CDK14: variants seen among roughly 807,000 people sequenced by gnomAD.
The protein encoded by CDK14 is cyclin dependent kinase 14.
Under a neutral mutation model 60.7 loss-of-function variants are expected in CDK14, and 34 were observed. The ratio of observed to expected loss-of-function variants is 0.56; its 90% confidence interval spans 0.43 to 0.75. The LOEUF (loss-of-function observed/expected upper bound fraction) is 0.75, where lower values mean the gene tolerates loss of function less well. Among genes scored for constraint, CDK14 ranks in the 30% least tolerant of loss-of-function variants. The pLI is 0.00. For synonymous variants in CDK14, 197 were observed against 203.7 expected (o/e 0.97, Z 0.28); for missense variants, 482 against 564.1 (o/e 0.85, Z 1.47).
chr7:90,662,891 T>G (rs780221835), intron 2 of CDK14, among the ~76,000 whole-genome samples: 20 of 152,204 alleles, frequency 1.3e-4, no homozygotes, highest in Non-Finnish European at 2.6e-4. Flanking sequence ...CTCCACTTTC[T>G]AGCTATGCAA....
intron 12 of CDK14, among the ~76,000 whole-genome samples, chr7:91,103,881 G>A (rs1799214123): frequency 6.6e-6 from 1 of 151,328 alleles, no homozygotes; most frequent in Non-Finnish European, 1.5e-5. Flanking sequence ...TGTATTGCAT[G>A]GATAAGGACT....
intron 11 of CDK14, among the ~76,000 whole-genome samples, chr7:91,064,984 C>T (rs1302913011): frequency 6.6e-6 from 1 of 150,662 alleles, no homozygotes; most frequent in South Asian, 2.1e-4. Flanking sequence ...GATGGTTTGG[C>T]GACCTCATCT....
intron 2 of CDK14, among the ~76,000 whole-genome samples, chr7:90,682,700 C>T (rs183668434): frequency 1.3e-5 from 2 of 152,296 alleles, no homozygotes; most frequent in East Asian, 3.9e-4. Flanking sequence ...CAGTGCAGAA[C>T]CAAGTGTAGA....
chr7:90,736,329 G>A (rs898560021), intron 3 of CDK14, among the ~76,000 whole-genome samples: 1 of 139,618 alleles, frequency 7.2e-6, no homozygotes, highest in East Asian at 2.2e-4. Flanking sequence ...GTGATAAGAA[G>A]GGGTACTTTA....
chr7:91,029,836 T>A (rs1796708375), intron 10 of CDK14, among the ~76,000 whole-genome samples: 1 of 141,492 alleles, frequency 7.1e-6, no homozygotes, highest in Non-Finnish European at 1.6e-5. Context: ...GTTTTCAAGG[T>A]ACAAGACCAT....
chr7:91,039,861 G>A (rs1797040407), intron 10 of CDK14, among the ~76,000 whole-genome samples: 1 of 152,046 alleles, frequency 6.6e-6, no homozygotes, highest in Non-Finnish European at 1.5e-5. Flanking sequence ...GGAGACTGAG[G>A]CAGGTGGATC....
At chr7:90,720,872 CTGAGTTAT>C (rs1268672722) in intron 2 of CDK14, among the ~76,000 whole-genome samples, 1 of 152,074 alleles carries the variant, frequency 6.6e-6, no homozygotes, top group African/African-American at 2.4e-5. Flanking sequence ...GTTACAGGAT[CTGAGTTAT>C]TGACTGTTGG....
intron 2 of CDK14, among the ~76,000 whole-genome samples, chr7:90,645,005 T>G (rs1800429085): frequency 6.6e-6 from 1 of 152,222 alleles, no homozygotes. Context: ...AGTAGATGGC[T>G]CTATAAAAGT....
At chr7:90,758,195 A>G (rs370652886) in intron 4 of CDK14, among the ~76,000 whole-genome samples, 1 of 152,038 alleles carries the variant, frequency 6.6e-6, no homozygotes, top group Middle Eastern at 3.2e-3. Flanking sequence ...TTGAGTAGAA[A>G]GTTTTTGTTT....
chr7:90,757,791 C>T (rs763803216), intron 4 of CDK14, among the ~76,000 whole-genome samples: 4 of 151,804 alleles, frequency 2.6e-5, no homozygotes, highest in South Asian at 2.1e-4. Flanking sequence ...TTTGTAGAGA[C>T]GGGGTTTTGC....
In CDK14 at chr7:90,709,739, TGAGATTAGCTTCTCTTAG is replaced by T. The variant is rs906263148; in HGVS notation, c.124-16826_124-16809del. ...TCAACAGTTTTTGGTCTTATTCCACTGAGATTAGCTTCTCTTAGGGGATTTCTGGGCTTTTTTTTTTTT... is the reference window on the plus strand; with the variant it reads ...TCAACAGTTTTTGGTCTTATTCCACTGGGATTTCTGGGCTTTTTTTTTTTT... On this transcript the variant is annotated intron_variant, in intron 2 of 14. Transcript: ENST00000380050. 9.8e-6 allele frequency: 14 copies of T among 1,431,264 alleles called. No individual in the cohort carries two copies. In the Admixed American group the frequency reaches 2.4e-4, roughly 25 times the overall value. 88.7% of individuals were successfully genotyped at this position (1,431,264 alleles called of 1,614,324 possible). A position where few individuals can be genotyped will look rare whatever the true frequency, so the allele number is the denominator to read the frequency against.
At chr7:91,104,576 T>C (rs144242673) in intron 12 of CDK14, among the ~76,000 whole-genome samples, 1 of 152,196 alleles carries the variant, frequency 6.6e-6, no homozygotes, top group Non-Finnish European at 1.5e-5. Context: ...CCAAAAAGAT[T>C]GTCCAGTTCC....
At chr7:91,071,515 G>A (rs918569767) in intron 11 of CDK14, among the ~76,000 whole-genome samples, 5 of 152,336 alleles carry the variant, frequency 3.3e-5, no homozygotes, top group Middle Eastern at 3.4e-3. Context: ...CTTTTTCCAC[G>A]GAACTGTGCA....
At chr7:90,993,749 T>G (rs1244097271) in intron 10 of CDK14, among the ~76,000 whole-genome samples, 1 of 152,216 alleles carries the variant, frequency 6.6e-6, no homozygotes, top group African/African-American at 2.4e-5. Flanking sequence ...GACTAGATTT[T>G]TAATCTATTT....
intron 6 of CDK14, among the ~76,000 whole-genome samples, chr7:90,866,547 T>C (rs1363160134): frequency 6.6e-6 from 1 of 152,202 alleles, no homozygotes; most frequent in Non-Finnish European, 1.5e-5. Context: ...GATACTATTG[T>C]ATTTTTCCTT....
intron 6 of CDK14, among the ~76,000 whole-genome samples, chr7:90,887,645 G>A (rs949669016): frequency 1.1e-4 from 16 of 152,134 alleles, no homozygotes; most frequent in Non-Finnish European, 2.2e-4. Context: ...TAAGTAATCA[G>A]ATATTCATGA....
chr7:90,904,043 TG>T (rs1562821613), intron 7 of CDK14, among the ~76,000 whole-genome samples: 1 of 151,986 alleles, frequency 6.6e-6, no homozygotes, highest in Admixed American at 6.6e-5. Flanking sequence ...TCCACAGCCC[TG>T]CAGCCTGCTG....
At chr7:90,661,477 T>C (rs921702679) in intron 2 of CDK14, among the ~76,000 whole-genome samples, 2 of 152,200 alleles carry the variant, frequency 1.3e-5, no homozygotes, top group Non-Finnish European at 2.9e-5. Context: ...CTTTGGAATA[T>C]ATGCTAGTCT....
At chr7:90,796,296 G>T (rs915138757) in intron 5 of CDK14, among the ~76,000 whole-genome samples, 1 of 152,168 alleles carries the variant, frequency 6.6e-6, no homozygotes, top group Non-Finnish European at 1.5e-5. Context: ...AAGCTGATAA[G>T]TCAGTCATTC....
Sources: gnomAD v4.1 joint callset for allele counts (sites outside exome capture counted in the v4.1 genomes callset) on GRCh38, gnomAD v4.1.1 for gene constraint, MANE v1.5 for transcripts, NCBI Gene and HGNC (gene_info 2026-07-23, HGNC 2026-07-21) for gene names.